WDR70: variants seen among roughly 807,000 people sequenced by gnomAD.
The protein encoded by WDR70 is WD repeat-containing protein 70.
In WDR70, 53 loss-of-function variants were observed where a neutral mutation model predicts 88.6. The ratio of observed to expected loss-of-function variants is 0.60; its 90% CI spans 0.48 to 0.75. WDR70 has a LOEUF of 0.75. WDR70 is among the 30% of genes least tolerant of loss of function. WDR70 has a pLI of 0.00. For synonymous variants in WDR70, 280 were observed against 270.0 expected (o/e 1.04, Z -0.36); for missense variants, 610 against 823.2 (o/e 0.74, Z 3.17).
chr5:37,544,190 A>G (rs1450997715), intron 9 of WDR70, among the ~76,000 whole-genome samples: 1 of 152,222 alleles, frequency 6.6e-6, no homozygotes, highest in Non-Finnish European at 1.5e-5. Context: ...TATACATAAC[A>G]GGATTTCCTA....
chr5:37,615,060 A>T (rs1443769582), intron 10 of WDR70, among the ~76,000 whole-genome samples: 1 of 152,062 alleles, frequency 6.6e-6, no homozygotes, highest in Admixed American at 6.6e-5. Context: ...TAAATATGTG[A>T]TTGAGGGATA....
At chr5:37,512,420 C>G (rs1740747829) in intron 8 of WDR70, among the ~76,000 whole-genome samples, 1 of 152,046 alleles carries the variant, frequency 6.6e-6, no homozygotes, top group Non-Finnish European at 1.5e-5. Flanking sequence ...TGGGGTTTAG[C>G]CATCTTGCCT....
At position 37,688,277 on chromosome 5, in the gene WDR70, T is replaced by A. The variant is rs1184867622; in HGVS notation, c.1093-9378T>A. Among the ~76,000 whole-genome samples the A allele has an allele frequency of 2.0e-5, 3 of 152,178 alleles. No homozygotes were observed. The East Asian group carries it at 5.8e-4, about 29-fold the overall frequency. ...TGTGAACCAGACAAGCTAAGTAATT[T>A]GTCCCAGGTCACAATGCTAGCTTTT... On this transcript the variant is annotated intron_variant, in intron 10 of 17. Transcript: ENST00000265107.
intron 12 of WDR70, among the ~76,000 whole-genome samples, chr5:37,702,063 A>C (rs985100254): frequency 1.3e-5 from 2 of 152,148 alleles, no homozygotes; most frequent in East Asian, 1.9e-4. Flanking sequence ...AAATTGTTCT[A>C]TTTTGGTAGA....
intron 10 of WDR70, among the ~76,000 whole-genome samples, chr5:37,622,442 C>T (rs1318822395): frequency 6.6e-5 from 10 of 151,782 alleles, no homozygotes; most frequent in Admixed American, 1.3e-4. Context: ...CACATGCACA[C>T]GTATGTTTAT....
At chr5:37,562,983 G>A (rs2112380771) in intron 9 of WDR70, among the ~76,000 whole-genome samples, 1 of 145,960 alleles carries the variant, frequency 6.9e-6, no homozygotes, top group South Asian at 2.3e-4. Context: ...AGACGGGGTG[G>A]TGGCCGGGCA....
At chr5:37,556,154 T>TCC (rs1561900091) in intron 9 of WDR70, among the ~76,000 whole-genome samples, 2 of 149,540 alleles carry the variant, frequency 1.3e-5, no homozygotes, top group Non-Finnish European at 3.0e-5. Context: ...TTTTTTTTTT[T>TCC]CAAAAAGCAT....
chr5:37,535,176 A>AGG, intron 9 of WDR70, among the ~76,000 whole-genome samples: 1 of 152,094 alleles, frequency 6.6e-6, no homozygotes, highest in Non-Finnish European at 1.5e-5. Context: ...AGTAGGAGAG[A>AGG]GGGGTCTACT....
intron 9 of WDR70, among the ~76,000 whole-genome samples, chr5:37,529,172 C>T (rs485536): frequency 0.97 from 147,793 of 152,236 alleles, 71,903 homozygotes; most frequent in East Asian, 1. Context: ...TTCTGTTCCA[C>T]GGTCTTTGTG....
intron 8 of WDR70, among the ~76,000 whole-genome samples, chr5:37,486,802 C>T (rs1343011644): frequency 6.9e-6 from 1 of 144,726 alleles, no homozygotes; most frequent in African/African-American, 2.6e-5. Flanking sequence ...GTTCTTTGCC[C>T]ACTTTCTAAT....
intron 8 of WDR70, chr5:37,505,669 C>T (rs901573806): frequency 1.2e-6 from 1 of 821,686 alleles, no homozygotes; most frequent in Non-Finnish European, 2.2e-6. Flanking sequence ...TGTACATCTT[C>T]CTCTAGCCCC....
At chr5:37,420,308 A>C (rs568570276) in intron 5 of WDR70, among the ~76,000 whole-genome samples, 66 of 152,266 alleles carry the variant, frequency 4.3e-4, no homozygotes, top group Non-Finnish European at 8.4e-4. Flanking sequence ...CCAGAGGAAC[A>C]GACATATCAA....
chr5:37,558,149 G>A (rs184302435), intron 9 of WDR70, among the ~76,000 whole-genome samples: 68 of 151,992 alleles, frequency 4.5e-4, no homozygotes, highest in African/African-American at 1.6e-3. Flanking sequence ...TTAGATGCAA[G>A]GAAAGCCCTT....
intron 9 of WDR70, among the ~76,000 whole-genome samples, chr5:37,565,544 C>T (rs1345628236): frequency 3.3e-5 from 5 of 152,026 alleles, no homozygotes; most frequent in African/African-American, 1.2e-4. Context: ...AGTCTGTTAT[C>T]TTGATGAAAG....
chr5:37,392,981 T>C (rs1214325447), intron 4 of WDR70, among the ~76,000 whole-genome samples: 1 of 152,066 alleles, frequency 6.6e-6, no homozygotes, highest in Non-Finnish European at 1.5e-5. Context: ...AACAATGGCC[T>C]AACACATTGA....
intron 5 of WDR70, among the ~76,000 whole-genome samples, chr5:37,436,890 A>G (rs1002778730): frequency 5.9e-5 from 9 of 152,146 alleles, no homozygotes; most frequent in Non-Finnish European, 8.8e-5. Context: ...TTAATTAAGT[A>G]GATTGTGAGA....
At chr5:37,736,025 G>A (rs1435152160) in intron 17 of WDR70, among the ~76,000 whole-genome samples, 1 of 152,126 alleles carries the variant, frequency 6.6e-6, no homozygotes, top group African/African-American at 2.4e-5. Flanking sequence ...AACACAGCAG[G>A]ATCACAGAGG....
intron 8 of WDR70, among the ~76,000 whole-genome samples, chr5:37,483,101 G>GT (rs35122146): frequency 0.014 from 1,759 of 129,856 alleles, 32 homozygotes; most frequent in African/African-American, 0.041. Flanking sequence ...AGTGGTCTCA[G>GT]TTTTTTTTTT....
chr5:37,514,667 G>A (rs918679694), intron 8 of WDR70, among the ~76,000 whole-genome samples: 8 of 151,796 alleles, frequency 5.3e-5, no homozygotes, highest in Non-Finnish European at 1.2e-4. Context: ...CTGTTCCTAC[G>A]TTAGAACTAT....
Sources: allele counts gnomAD v4.1 joint callset (sites outside exome capture counted in the v4.1 genomes callset), GRCh38; gene constraint gnomAD v4.1.1; transcripts MANE v1.5; gene names NCBI Gene and HGNC (gene_info 2026-07-23, HGNC 2026-07-21).